Variants in IFNAR2 observed in about 807,000 individuals in gnomAD.
IFNAR2 encodes the protein interferon alpha and beta receptor subunit 2, also known as interferon alpha/beta receptor 2.
A neutral mutation model predicts 49.4 loss-of-function variants in IFNAR2; 30 were observed. The observed-to-expected ratio is 0.61, with a 90% CI of 0.45 to 0.82. IFNAR2 has a LOEUF of 0.82. Ranked by LOEUF, IFNAR2 falls within the 40% of genes least tolerant of loss-of-function variation. The pLI, the probability that IFNAR2 is intolerant of heterozygous loss-of-function variation, is 0.00. For synonymous variants in IFNAR2, 224 were observed against 234.5 expected (o/e 0.96, Z 0.41); for missense variants, 600 against 622.7 (o/e 0.96, Z 0.39).
At position 33,262,948 on chromosome 21, in the gene IFNAR2, A is replaced by T; in HGVS notation, c.996A>T (p.Thr332=). ...GCGATACTGAGGCAGCGCCCAGGAC[A>T]AGTGGCGGTGGCTATACCATGCATG... is the stretch of plus-strand genomic sequence containing the variant. ...SDSDTEAAPR[T]SGGGYTMHGL... The change falls in exon 9 of 9, where the codon ACA becomes ACT. Residue 332 remains threonine (T), a synonymous_variant. Transcript: ENST00000342136. The T allele has an allele frequency of 2.6e-5, 42 of 1,614,200 alleles. No homozygotes were observed. Among genetic ancestry groups the T allele is most frequent in the Non-Finnish European group, 3.5e-5 (41 of 1,180,010 alleles).
intron 1 of IFNAR2, chr21:33,236,690 T>C: frequency 1.0e-6 from 1 of 985,370 alleles, no homozygotes; most frequent in Non-Finnish European, 1.2e-6. Context: ...ATTCCTCTGC[T>C]GGGAGCCTAA....
At chr21:33,238,842 C>T (rs1332812542) in intron 1 of IFNAR2, among the ~76,000 whole-genome samples, 1 of 150,002 alleles carries the variant, frequency 6.7e-6, no homozygotes, top group East Asian at 1.9e-4. Context: ...GCCAAAGGCA[C>T]GAACAGTTAA....
At chr21:33,231,038 A>G (rs1255181286) in intron 1 of IFNAR2, among the ~76,000 whole-genome samples, 3 of 152,054 alleles carry the variant, frequency 2.0e-5, no homozygotes, top group Non-Finnish European at 2.9e-5. Flanking sequence ...TTGTTTAGCA[A>G]GAAGTCTTAG....
chr21:33,241,750 C>T, intron 1 of IFNAR2, 90 bp from the exon 2 acceptor site: 1 of 925,664 alleles, frequency 1.1e-6, no homozygotes, highest in Non-Finnish European at 1.5e-6. Context: ...ACCAGGCTCA[C>T]TTGAATAAAT....
chr21:33,237,032 G>C, intron 1 of IFNAR2: 1 of 297,146 alleles, frequency 3.4e-6, no homozygotes, highest in Non-Finnish European at 5.0e-6. Context: ...TAAGTCACCA[G>C]AAAGCAAGGA....
chr21:33,247,118 G>A (rs1318561571), intron 5 of IFNAR2, among the ~76,000 whole-genome samples: 4 of 152,106 alleles, frequency 2.6e-5, no homozygotes, highest in East Asian at 1.9e-4. Flanking sequence ...GATTTGCCCC[G>A]TGCCTGTATA....
intron 6 of IFNAR2, chr21:33,251,685 A>C (rs1987845861): frequency 1.0e-6 from 1 of 985,064 alleles, no homozygotes; most frequent in Non-Finnish European, 1.2e-6. Flanking sequence ...GTATTTTAAA[A>C]ACTGTAAAAC....
intron 8 of IFNAR2, among the ~76,000 whole-genome samples, chr21:33,261,315 G>C (rs984138762): frequency 6.6e-6 from 1 of 152,022 alleles, no homozygotes; most frequent in Non-Finnish European, 1.5e-5. Flanking sequence ...GGGATTACAG[G>C]TGTGAGCCAC....
chr21:33,260,576 C>A, intron 7 of IFNAR2, 21 bp from the exon 8 acceptor site: 1 of 1,576,086 alleles, frequency 6.3e-7, no homozygotes, highest in South Asian at 1.2e-5. Flanking sequence ...GAAATAAAGT[C>A]ATTTAATTTT....
At chr21:33,254,489 T>C (rs971877907) in intron 7 of IFNAR2, among the ~76,000 whole-genome samples, 7 of 152,160 alleles carry the variant, frequency 4.6e-5, no homozygotes, top group African/African-American at 1.7e-4. Flanking sequence ...CCCTTCCCAG[T>C]CCAGGTGTTC....
intron 7 of IFNAR2, among the ~76,000 whole-genome samples, chr21:33,253,878 G>A (rs532055494): frequency 1.3e-5 from 2 of 152,246 alleles, no homozygotes; most frequent in East Asian, 3.9e-4. Context: ...ACTGCCATCT[G>A]TTTTATCAGC....
At chr21:33,252,108 CTAT>C in intron 6 of IFNAR2, 1 of 462,540 alleles carries the variant, frequency 2.2e-6, no homozygotes, top group Non-Finnish European at 4.5e-6. Flanking sequence ...ATCTATCTAT[CTAT>C]CTATCTATAT....
At chr21:33,252,922 A>G (rs1987961827) in intron 7 of IFNAR2, 92 bp downstream of exon 7, 12 of 1,042,510 alleles carry the variant, frequency 1.2e-5, no homozygotes, top group East Asian at 2.4e-5. Flanking sequence ...AAAAGAATTC[A>G]TGGAGCACTA....
At chr21:33,253,829 G>A (rs1291090629) in intron 7 of IFNAR2, among the ~76,000 whole-genome samples, 2 of 152,172 alleles carry the variant, frequency 1.3e-5, no homozygotes, top group African/African-American at 2.4e-5. Context: ...GTGGCAGTGA[G>A]GACGACCATC....
chr21:33,259,936 C>T (rs2300371), intron 7 of IFNAR2, among the ~76,000 whole-genome samples: 45,343 of 151,960 alleles, frequency 0.3, 7,237 homozygotes, highest in East Asian at 0.59. Context: ...GGCTATAGTT[C>T]GAGGATTAAT....
rs1382257050 is a variant in IFNAR2 at position 33,246,787 on chromosome 21, T to C, written c.291T>C (p.Asp97=). Residue 97 remains aspartate (D), a synonymous_variant, in exon 5 of 9, where the codon GAT becomes GAC. Coordinates refer to ENST00000342136, the MANE Select transcript of IFNAR2 (RefSeq NM_001289125.3). Reference sequence around the variant, plus strand: ...CAAGATCATTTTGTGACCTCACAGATGAGTGGAGAAGCACACACGAGGCCT... The same window carrying C: ...CAAGATCATTTTGTGACCTCACAGACGAGTGGAGAAGCACACACGAGGCCT... ...NTTRSFCDLT[D]EWRSTHEAYV... 2 of 1,613,834 alleles carry C rather than the reference T, an allele frequency of 1.2e-6. No individual in the cohort carries two copies. The highest frequency in any genetic ancestry group is 1.7e-6 in the Non-Finnish European group (2 of 1,179,684).
chr21:33,251,537 A>G, intron 6 of IFNAR2: 1 of 985,212 alleles, frequency 1.0e-6, no homozygotes, highest in Non-Finnish European at 1.2e-6. Context: ...CTGGAGGGGA[A>G]GCTTTTAGTT....
At chr21:33,245,855 G>T (rs17860194) in intron 4 of IFNAR2, among the ~76,000 whole-genome samples, 105 of 152,230 alleles carry the variant, frequency 6.9e-4, no homozygotes, top group African/African-American at 2.5e-3. Context: ...GCATTGAGTG[G>T]TCACATGTAT....
Position 33,230,671 on chromosome 21 carries a change from C to G in IFNAR2, c.-84+455C>G, listed in dbSNP as rs533803475. 4 of 455,392 alleles carry G rather than the reference C, an allele frequency of 8.8e-6. No individual in the cohort carries two copies. In the Admixed American group the frequency reaches 9.7e-5, roughly 11 times the overall value. 28.2% of individuals were successfully genotyped at this position (455,392 alleles called of 1,614,324 possible). ...GATCTCCAGCCCGCCCCCTTGAGGT[C>G]CCCTGGGATTAGCCCCCCTCGACCT... On this transcript the variant is annotated intron_variant, in intron 1 of 8. Coordinates refer to ENST00000342136, the MANE Select transcript of IFNAR2 (RefSeq NM_001289125.3). This position sits in a 1 kb window ranked among gnomAD's most constrained non-coding sequence, Gnocchi z 5.5.
Sources: gnomAD v4.1 joint callset for allele counts (sites outside exome capture counted in the v4.1 genomes callset) on GRCh38, gnomAD v4.1.1 for gene constraint, Gnocchi (gnomAD v3.1) non-coding constraint, MANE v1.5 for transcripts, NCBI Gene and HGNC (gene_info 2026-07-23, HGNC 2026-07-21) for gene names.